Variants in C1orf159 observed in about 807,000 individuals in gnomAD.
C1orf159 encodes the protein uncharacterized protein C1orf159.
Under a neutral mutation model 25.6 loss-of-function variants are expected in C1orf159, and 19 were observed. That is an observed-to-expected ratio of 0.74 (90% CI 0.52 to 1.09). C1orf159 has a LOEUF of 1.09. C1orf159 is among the 50% of genes least tolerant of loss of function. C1orf159 has a pLI of 0.00. For missense variants in C1orf159, 274 were observed against 290.6 expected (o/e 0.94, Z 0.42); for synonymous variants, 139 against 124.7 (o/e 1.12, Z -0.77).
intron 3 of C1orf159, chr1:1,091,224 A>AT: frequency 1.6e-6 from 1 of 618,690 alleles, no homozygotes; most frequent in Non-Finnish European, 2.9e-6. Flanking sequence ...GCGGGCCAGG[A>AT]TGCCTCACCG....
chr1:1,110,695 C>T lies in C1orf159; in HGVS notation c.-136+5365G>A, dbSNP rs962774095. On this transcript the variant is annotated intron_variant, in intron 1 of 9. Transcript: ENST00000421241. This position sits in a 1 kb window ranked among gnomAD's most constrained non-coding sequence, Gnocchi z 4.8. The stretch of plus-strand genomic sequence containing the variant: ...ACGTTCCCAAGAGAAACAACACACG[C>T]CCGCCAAACACGTGCACAAAAATAG... Among the ~76,000 whole-genome samples, 1 of 152,108 alleles carries T rather than the reference C, an allele frequency of 6.6e-6. No individual in the cohort carries two copies. Among genetic ancestry groups the T allele is most frequent in the African/African-American group, 2.4e-5 (1 of 41,346 alleles).
At chr1:1,111,365 CAAAAA>C (rs35082223) in intron 1 of C1orf159, among the ~76,000 whole-genome samples, 2 of 109,126 alleles carry the variant, frequency 1.8e-5, no homozygotes, top group African/African-American at 3.3e-5. Flanking sequence ...TCATCTCTAC[CAAAAA>C]AAAAAAAAAA....
chr1:1,113,171 G>C (rs1223874070), intron 1 of C1orf159, among the ~76,000 whole-genome samples: 1 of 150,832 alleles, frequency 6.6e-6, no homozygotes, highest in African/African-American at 2.4e-5. Flanking sequence ...ACTCCAGCCT[G>C]GGCGACAGAG....
chr1:1,090,381 G>A lies in C1orf159; in HGVS notation c.120C>T (p.Ser40=). 1 of 1,550,342 alleles carries A rather than the reference G, an allele frequency of 6.5e-7. No individual in the cohort carries two copies. The change falls in exon 4 of 10, where the codon AGC becomes AGT. Residue 40 remains serine (S), a synonymous_variant. Transcript: ENST00000421241. The part of the protein sequence containing the change: ...CCVDVVGVNA[S]CPGASLCGPG... The stretch of plus-strand genomic sequence containing the variant: ...GACCACACAGACTTGCGCCTGGGCA[G>A]CTGGCGTTGACGCCCACCACATCCA...
At position 1,110,838 on chromosome 1, in the gene C1orf159, C is replaced by G. The variant is rs1646247673; in HGVS notation, c.-136+5222G>C. Among the ~76,000 whole-genome samples the G allele has an allele frequency of 6.6e-6, 1 of 152,224 alleles. No homozygotes were observed. The highest frequency in any genetic ancestry group is 2.1e-4 in the South Asian group (1 of 4,836). ...CCTCAGAGGAAGCTCAACAACAGTT[C>G]TCTGCGTGAGCCGTGGCAGACGCAA... is the stretch of plus-strand genomic sequence containing the variant. On this transcript the variant is annotated intron_variant, in intron 1 of 9. Transcript: ENST00000421241. This position sits in a 1 kb window ranked among gnomAD's most constrained non-coding sequence, Gnocchi z 4.8.
intron 7 of C1orf159, 71 bp from the exon 8 acceptor site, chr1:1,084,577 C>A: frequency 1.3e-6 from 2 of 1,535,924 alleles, no homozygotes; most frequent in South Asian, 2.4e-5. Flanking sequence ...GTGCAGCGTC[C>A]GGGACAGCAG....
intron 4 of C1orf159, 58 bp downstream of exon 4, chr1:1,090,295 C>T (rs1021963961): frequency 2.0e-6 from 3 of 1,503,992 alleles, no homozygotes; most frequent in Middle Eastern, 3.4e-4. Flanking sequence ...GCCCTGGGCA[C>T]ACACACACCA....
intron 1 of C1orf159, among the ~76,000 whole-genome samples, chr1:1,113,747 C>T (rs76462162): frequency 0.01 from 1,523 of 152,216 alleles, 14 homozygotes; most frequent in Non-Finnish European, 0.016. Flanking sequence ...AGATCAAGTG[C>T]GCAGTTTGAC....
chr1:1,082,489 T>G lies in C1orf159; in HGVS notation c.*404A>C. The G allele has an allele frequency of 3.9e-6, 1 of 253,184 alleles. No individual in the cohort carries two copies. Among genetic ancestry groups the G allele is most frequent in the Non-Finnish European group, 7.8e-6 (1 of 128,114 alleles). 15.7% of individuals were successfully genotyped at this position (253,184 alleles called of 1,614,324 possible). A position where few individuals can be genotyped will look rare whatever the true frequency, so the allele number is the denominator to read the frequency against. ...ACTGGGTGTGGTGGTGCTGGAGGAG[T>G]CCTGCCCGCTGTGGGCTCTGGAGGG... On this transcript the variant is annotated 3_prime_UTR_variant, in exon 10 of 10. Transcript: ENST00000421241.
At chr1:1,091,166 C>T (rs892227223) in intron 3 of C1orf159, 48 of 618,444 alleles carry the variant, frequency 7.8e-5, no homozygotes, top group South Asian at 1.4e-4. Flanking sequence ...TCCCCGATAG[C>T]GATGCGCGGC....
intron 1 of C1orf159, among the ~76,000 whole-genome samples, chr1:1,102,728 G>C (rs1646119665): frequency 6.6e-6 from 1 of 151,146 alleles, no homozygotes; most frequent in African/African-American, 2.4e-5. Context: ...AACCTGGGAG[G>C]CAGAAGTTGC....
chr1:1,084,284 C>T, intron 9 of C1orf159, 69 bp downstream of exon 9: 1 of 1,520,886 alleles, frequency 6.6e-7, no homozygotes, highest in Non-Finnish European at 8.8e-7. Flanking sequence ...TGGGGACAAA[C>T]CCACAGAGCA....
chr1:1,083,220 C>T (rs865946391), intron 9 of C1orf159: 23 of 497,152 alleles, frequency 4.6e-5, no homozygotes, highest in South Asian at 3.6e-4. Flanking sequence ...TCATTTACAC[C>T]CTGGGCCCCG....
chr1:1,108,940 GGCA>G (rs747897005), intron 1 of C1orf159, among the ~76,000 whole-genome samples: 3 of 87,760 alleles, frequency 3.4e-5, no homozygotes, highest in South Asian at 4.5e-4. Context: ...ACCATGTCTC[GGCA>G]GCACCGTTCA....
At chr1:1,108,236 A>T (rs1268731684) in intron 1 of C1orf159, among the ~76,000 whole-genome samples, 1 of 89,216 alleles carries the variant, frequency 1.1e-5, no homozygotes, top group African/African-American at 8.6e-5. Context: ...ATGTCTCAGC[A>T]GCACCGTTCA....
At chr1:1,085,421 G>A (rs191784092) in intron 7 of C1orf159, 22 of 303,116 alleles carry the variant, frequency 7.3e-5, no homozygotes, top group East Asian at 5.6e-4. Context: ...GCCCAGGCCC[G>A]GGGTGACCGT....
In C1orf159 at chr1:1,090,387, G is replaced by T; in HGVS notation, c.114C>A (p.Asn38Lys). The stretch of plus-strand genomic sequence containing the variant: ...ACAGACTTGCGCCTGGGCAGCTGGC[G>T]TTGACGCCCACCACATCCACACAGC... ...PECCVDVVGV[N>K]ASCPGASLCG... is the part of the protein sequence containing the mutation. Residue 38 changes from asparagine to lysine, a missense_variant, in exon 4 of 10, where the codon AAC becomes AAA. Transcript: ENST00000421241. 2 of 1,550,242 alleles carry T rather than the reference G, an allele frequency of 1.3e-6. No homozygotes were observed. The highest frequency in any genetic ancestry group is 1.7e-4 in the Middle Eastern group (1 of 5,992).
intron 3 of C1orf159, 74 bp downstream of exon 3, chr1:1,091,398 T>C (rs1168541532): frequency 7.3e-7 from 1 of 1,372,362 alleles, no homozygotes; most frequent in African/African-American, 1.4e-5. Flanking sequence ...GGTTAGACCC[T>C]CTAGGGGAAG....
At chr1:1,088,675 G>C (rs772348966) in intron 4 of C1orf159, among the ~76,000 whole-genome samples, 1 of 152,102 alleles carries the variant, frequency 6.6e-6, no homozygotes, top group African/African-American at 2.4e-5. Flanking sequence ...GCCCAGAGCT[G>C]AGTAGACACA....
Sources: gnomAD v4.1 joint callset for allele counts (sites outside exome capture counted in the v4.1 genomes callset) on GRCh38, gnomAD v4.1.1 for gene constraint, Gnocchi (gnomAD v3.1) non-coding constraint, MANE v1.5 for transcripts, NCBI Gene and HGNC (gene_info 2026-07-23, HGNC 2026-07-21) for gene names.